The following NTM variants were observed in gnomAD, a reference collection of about 807,000 sequenced individuals.
NTM encodes neurotrimin.
NTM carries 13 observed loss-of-function variants against 42.1 expected under a neutral mutation model. The ratio of observed to expected loss-of-function variants is 0.31; its 90% confidence interval spans 0.20 to 0.49. The LOEUF is 0.49. NTM is among the 20% of genes least tolerant of loss of function. NTM has a pLI of 0.99. For missense variants in NTM, 373 were observed against 452.8 expected (o/e 0.82, Z 1.60); for synonymous variants, 187 against 179.2 (o/e 1.04, Z -0.35).
chr11:131,911,638 G>A lies in NTM; in HGVS notation c.157G>A (p.Ala53Thr), dbSNP rs1244838321. 1.2e-6 allele frequency: 2 copies of A among 1,613,962 alleles called. No individual in the cohort carries two copies. The highest frequency in any genetic ancestry group is 8.5e-7 in the Non-Finnish European group (1 of 1,179,964). ...CGTGACGGTCCGGCAGGGGGAGAGCGCCACCCTCAGGTAGGGAGCTGACAT... is the reference window on the plus strand; with the variant it reads ...CGTGACGGTCCGGCAGGGGGAGAGCACCACCCTCAGGTAGGGAGCTGACAT... The part of the protein sequence containing the change: ...DNVTVRQGES[A>T]TLRCTIDNRV... Residue 53 changes from alanine (A) to threonine (T), a missense_variant, in exon 2 of 9, where the codon GCC (alanine) becomes ACC (threonine). Coordinates refer to ENST00000683400, the MANE Select transcript of NTM (RefSeq NM_001352005.2).
intron 2 of NTM, among the ~76,000 whole-genome samples, chr11:132,048,129 A>G (rs1180001819): frequency 6.6e-6 from 1 of 151,574 alleles, no homozygotes; most frequent in Non-Finnish European, 1.5e-5. Flanking sequence ...TGTCTTTTGG[A>G]TGAGCTCAAA....
At chr11:132,222,442 ATG>A (rs775072057) in intron 4 of NTM, among the ~76,000 whole-genome samples, 14 of 152,342 alleles carry the variant, frequency 9.2e-5, no homozygotes, top group Admixed American at 5.2e-4. Context: ...ACTCCAGGGT[ATG>A]TGTGTCCTTT....
chr11:132,004,880 T>A (rs2070405087), intron 2 of NTM, among the ~76,000 whole-genome samples: 2 of 152,200 alleles, frequency 1.3e-5, no homozygotes, highest in Admixed American at 6.5e-5. Context: ...CATGGAGAGA[T>A]GTTTGAAATA....
chr11:131,780,028 G>C (rs962943425), intron 1 of NTM, among the ~76,000 whole-genome samples: 1 of 152,192 alleles, frequency 6.6e-6, no homozygotes, highest in Admixed American at 6.5e-5. Flanking sequence ...TCCCTGGGGC[G>C]TTCACAGGAA....
intron 2 of NTM, among the ~76,000 whole-genome samples, chr11:131,976,116 A>ATCCC (rs1555201515): frequency 3.2e-5 from 4 of 123,770 alleles, no homozygotes; most frequent in Non-Finnish European, 5.0e-5. Context: ...TCCCTCCCTC[A>ATCCC]TTCCTTCCTT....
chr11:132,176,064 G>T (rs76537108), intron 3 of NTM, among the ~76,000 whole-genome samples: 1 of 152,082 alleles, frequency 6.6e-6, no homozygotes, highest in African/African-American at 2.4e-5. Flanking sequence ...ACTAAAGAAA[G>T]GTTCATTGAA....
At chr11:131,842,368 G>C (rs1351109277) in intron 1 of NTM, among the ~76,000 whole-genome samples, 1 of 152,174 alleles carries the variant, frequency 6.6e-6, no homozygotes, top group East Asian at 1.9e-4. Context: ...TTTGTGTTGT[G>C]TGTCCTGGTT....
intron 1 of NTM, among the ~76,000 whole-genome samples, chr11:131,566,608 T>G (rs1276750794): frequency 3.3e-5 from 5 of 152,188 alleles, no homozygotes; most frequent in African/African-American, 1.2e-4. Flanking sequence ...TGCCAACTCC[T>G]GAAATGCAAG....
chr11:132,082,978 A>C (rs1350684578), intron 2 of NTM, among the ~76,000 whole-genome samples: 1 of 152,160 alleles, frequency 6.6e-6, no homozygotes, highest in African/African-American at 2.4e-5. Context: ...ATTTGGGTGC[A>C]TGGCCCTTGG....
intron 1 of NTM, among the ~76,000 whole-genome samples, chr11:131,402,501 G>GA (rs1020481895): frequency 7.9e-5 from 12 of 151,748 alleles, no homozygotes; most frequent in African/African-American, 2.7e-4. Flanking sequence ...GAAACTAAGA[G>GA]AAAAAAAGGA....
chr11:132,291,003 G>A (rs2094438104), intron 4 of NTM, among the ~76,000 whole-genome samples: 1 of 152,158 alleles, frequency 6.6e-6, no homozygotes, highest in Non-Finnish European at 1.5e-5. Context: ...GAAATGATAA[G>A]GAAATAGAGG....
chr11:131,451,311 T>C (rs1950469903), intron 1 of NTM, among the ~76,000 whole-genome samples: 1 of 152,216 alleles, frequency 6.6e-6, no homozygotes, highest in Admixed American at 6.5e-5. Flanking sequence ...ACTGTATAGA[T>C]GAGTATTTTC....
At chr11:131,558,617 A>G (rs148522166) in intron 1 of NTM, among the ~76,000 whole-genome samples, 2 of 152,320 alleles carry the variant, frequency 1.3e-5, no homozygotes, top group Non-Finnish European at 2.9e-5. Context: ...TGAGAAGTTT[A>G]GACTATTCTT....
intron 1 of NTM, among the ~76,000 whole-genome samples, chr11:131,830,169 C>CT (rs1318983912): frequency 6.6e-6 from 1 of 152,128 alleles, no homozygotes; most frequent in African/African-American, 2.4e-5. Context: ...TGCAGAAACT[C>CT]TTTCATTTGA....
intron 1 of NTM, among the ~76,000 whole-genome samples, chr11:131,784,255 C>T (rs1277187472): frequency 1.3e-5 from 2 of 152,018 alleles, no homozygotes; most frequent in South Asian, 2.1e-4. Context: ...ATTAACCATA[C>T]AATAACATAT....
At chr11:131,458,556 C>T (rs191802900) in intron 1 of NTM, among the ~76,000 whole-genome samples, 1 of 152,282 alleles carries the variant, frequency 6.6e-6, no homozygotes, top group African/African-American at 2.4e-5. Context: ...CTTCTAACAC[C>T]CAGCAGGATT....
At chr11:131,977,039 A>G (rs550702098) in intron 2 of NTM, among the ~76,000 whole-genome samples, 4 of 152,350 alleles carry the variant, frequency 2.6e-5, no homozygotes, top group South Asian at 2.1e-4. Flanking sequence ...GATGCTGAAG[A>G]TAAATGTCAG....
intron 4 of NTM, among the ~76,000 whole-genome samples, chr11:132,217,584 C>T (rs2084167999): frequency 6.6e-6 from 1 of 152,012 alleles, no homozygotes; most frequent in African/African-American, 2.4e-5. Flanking sequence ...GGATTCCAAG[C>T]CAAGCCCTTG....
chr11:131,938,211 G>A (rs2059431194), intron 2 of NTM, among the ~76,000 whole-genome samples: 1 of 152,166 alleles, frequency 6.6e-6, no homozygotes, highest in Non-Finnish European at 1.5e-5. Flanking sequence ...ACAAGGGTGG[G>A]AAGAAAAGGA....
Sources: allele counts gnomAD v4.1 joint callset (sites outside exome capture counted in the v4.1 genomes callset), GRCh38; gene constraint gnomAD v4.1.1; transcripts MANE v1.5; gene names NCBI Gene and HGNC (gene_info 2026-07-23, HGNC 2026-07-21).